Variants in CSMD1 observed in about 807,000 individuals in gnomAD.
CSMD1 encodes the protein CUB and sushi domain-containing protein 1.
CSMD1 carries 213 observed loss-of-function variants against 417.5 expected under a neutral mutation model. That is an observed-to-expected ratio of 0.51 (90% CI 0.46 to 0.57). The LOEUF is 0.57. Among genes scored for constraint, CSMD1 ranks in the 20% least tolerant of loss-of-function variants. The probability of loss-of-function intolerance (pLI) is 0.00; values close to 1 mark genes in which losing one functional copy is unlikely to be tolerated. For missense variants in CSMD1, 6,923 were observed against 4,529.7 expected, an observed-to-expected ratio of 1.53 and a Z score of -15.17; for synonymous variants, 2,862 against 1,736.8, an observed-to-expected ratio of 1.65 and a Z score of -16.11.
At chr8:4,106,911 G>A (rs1044896507) in intron 3 of CSMD1, among the ~76,000 whole-genome samples, 7 of 152,102 alleles carry the variant, frequency 4.6e-5, no homozygotes, top group African/African-American at 1.7e-4. Flanking sequence ...AAATCAATAG[G>A]CTTATTTATA....
chr8:3,914,103 T>C (rs1808643682), intron 5 of CSMD1, among the ~76,000 whole-genome samples: 1 of 152,198 alleles, frequency 6.6e-6, no homozygotes, highest in African/African-American at 2.4e-5. Context: ...TGTAAGTGCC[T>C]TGTCTTCAGC....
At chr8:4,788,737 A>C (rs1243195970) in intron 1 of CSMD1, among the ~76,000 whole-genome samples, 1 of 152,220 alleles carries the variant, frequency 6.6e-6, no homozygotes, top group Non-Finnish European at 1.5e-5. Context: ...CCATACTAAT[A>C]AACATGAAAA....
At chr8:4,089,388 A>G (rs1326874509) in intron 3 of CSMD1, among the ~76,000 whole-genome samples, 12 of 152,204 alleles carry the variant, frequency 7.9e-5, no homozygotes, top group African/African-American at 2.2e-4. Context: ...AGGTTCTCTG[A>G]GAAGAAAATT....
intron 2 of CSMD1, among the ~76,000 whole-genome samples, chr8:4,548,966 G>C (rs561617110): frequency 3.2e-4 from 48 of 152,250 alleles, no homozygotes; most frequent in Non-Finnish European, 5.6e-4. Context: ...TTTGCATAAA[G>C]TTTTGAGACG....
chr8:4,323,097 A>T (rs911798681), intron 3 of CSMD1, among the ~76,000 whole-genome samples: 1 of 152,234 alleles, frequency 6.6e-6, no homozygotes, highest in Non-Finnish European at 1.5e-5. Flanking sequence ...TGGAAAAATC[A>T]TATGATTTTA....
intron 1 of CSMD1, among the ~76,000 whole-genome samples, chr8:4,728,266 A>T (rs1181379453): frequency 6.6e-6 from 1 of 150,600 alleles, no homozygotes; most frequent in Non-Finnish European, 1.5e-5. Flanking sequence ...ATGCATGTAT[A>T]TGATTTGGGT....
chr8:4,125,816 G>A (rs1442192123), intron 3 of CSMD1, among the ~76,000 whole-genome samples: 1 of 152,116 alleles, frequency 6.6e-6, no homozygotes, highest in African/African-American at 2.4e-5. Context: ...AGCCCAAGAA[G>A]ACCCCCATCT....
chr8:4,795,334 C>T (rs7005454), intron 1 of CSMD1, among the ~76,000 whole-genome samples: 1 of 125,946 alleles, frequency 7.9e-6, no homozygotes, highest in Non-Finnish European at 1.6e-5. Context: ...TGCAGTGACA[C>T]GATCTTGGCT....
intron 2 of CSMD1, among the ~76,000 whole-genome samples, chr8:4,622,578 G>A (rs891558644): frequency 2.0e-5 from 3 of 152,122 alleles, no homozygotes; most frequent in African/African-American, 7.2e-5. Flanking sequence ...TGGCAAACGC[G>A]ACATGTGTAC....
At chr8:4,634,381 GA>G (rs902600814) in intron 2 of CSMD1, among the ~76,000 whole-genome samples, 33 of 151,512 alleles carry the variant, frequency 2.2e-4, no homozygotes, top group African/African-American at 5.8e-4. Context: ...AGTTTATTTC[GA>G]AAAAAAATAT....
intron 31 of CSMD1, among the ~76,000 whole-genome samples, chr8:3,204,213 G>C (rs990661473): frequency 3.9e-5 from 6 of 152,044 alleles, no homozygotes; most frequent in African/African-American, 7.2e-5. Flanking sequence ...ACGATATTTA[G>C]GATATGAGTA....
chr8:3,756,810 T>TTC (rs397961644), intron 5 of CSMD1, among the ~76,000 whole-genome samples: 2 of 152,130 alleles, frequency 1.3e-5, no homozygotes, highest in African/African-American at 4.8e-5. Flanking sequence ...TTTTTTTTTT[T>TTC]CTTGAGACAG....
intron 1 of CSMD1, among the ~76,000 whole-genome samples, chr8:4,724,031 A>C (rs1809250284): frequency 6.6e-6 from 1 of 152,104 alleles, no homozygotes; most frequent in Admixed American, 6.6e-5. Context: ...ATTAAATATC[A>C]ATCACTGAAT....
rs539502510 is a variant in CSMD1 at position 4,697,599 on chromosome 8, G to A, written c.86-60041C>T. 5.9e-5 allele frequency among the ~76,000 whole-genome samples: 9 copies of A among 152,260 alleles called. No homozygotes were observed. The South Asian group carries it at 1.9e-3, about 32-fold the overall frequency. On this transcript the variant is annotated intron_variant, in intron 1 of 69. Coordinates refer to ENST00000635120, the MANE Select transcript of CSMD1 (RefSeq NM_033225.6). ...TCAAGTGACTATTGACTAGAGTTCA[G>A]TCAATAAGTTCAACATTATAAGGCC...
At chr8:3,935,445 G>A (rs1323364510) in intron 5 of CSMD1, among the ~76,000 whole-genome samples, 1 of 152,026 alleles carries the variant, frequency 6.6e-6, no homozygotes, top group Non-Finnish European at 1.5e-5. Context: ...AAGTTTCCTG[G>A]CAACCCGACA....
chr8:3,294,731 C>G (rs991298112), intron 25 of CSMD1, among the ~76,000 whole-genome samples: 2 of 152,166 alleles, frequency 1.3e-5, no homozygotes, highest in African/African-American at 4.8e-5. Flanking sequence ...TCACCCCTTT[C>G]TTTGACTAGG....
intron 3 of CSMD1, among the ~76,000 whole-genome samples, chr8:4,322,018 T>C (rs1223396529): frequency 6.6e-6 from 1 of 152,108 alleles, no homozygotes; most frequent in Admixed American, 6.6e-5. Context: ...AAAAAAGCTA[T>C]TCCATTAATT....
At chr8:3,632,208 A>C (rs533484921) in intron 7 of CSMD1, among the ~76,000 whole-genome samples, 1 of 152,338 alleles carries the variant, frequency 6.6e-6, no homozygotes, top group East Asian at 1.9e-4. Flanking sequence ...TTTGGCAATA[A>C]TTTTAGAAAA....
chr8:4,126,915 C>T (rs534348735), intron 3 of CSMD1, among the ~76,000 whole-genome samples: 24 of 152,108 alleles, frequency 1.6e-4, no homozygotes, highest in East Asian at 5.8e-4. Flanking sequence ...CAGGCTCTCA[C>T]GCCCACACAG....
Sources: allele counts gnomAD v4.1 joint callset (sites outside exome capture counted in the v4.1 genomes callset), GRCh38; gene constraint gnomAD v4.1.1; transcripts MANE v1.5; gene names NCBI Gene and HGNC (gene_info 2026-07-23, HGNC 2026-07-21).